ADAMTSL1: variants seen among roughly 807,000 people sequenced by gnomAD.
ADAMTSL1 encodes the protein ADAMTS-like protein 1.
ADAMTSL1 carries 126 observed loss-of-function variants against 201.8 expected under a neutral mutation model. The ratio of observed to expected loss-of-function variants is 0.62; its 90% confidence interval spans 0.54 to 0.72. ADAMTSL1 has a LOEUF of 0.72. ADAMTSL1 is among the 30% of genes least tolerant of loss of function. The pLI is 0.00. For synonymous variants in ADAMTSL1, 1,121 were observed against 903.4 expected (o/e 1.24, Z -4.32); for missense variants, 2,679 against 2,277.8 (o/e 1.18, Z -3.59).
chr9:18,432,547 A>G (rs1426688958), intron 2 of ADAMTSL1, among the ~76,000 whole-genome samples: 2 of 152,134 alleles, frequency 1.3e-5, no homozygotes, highest in Non-Finnish European at 2.9e-5. Flanking sequence ...TATCTTTCCC[A>G]TAGCACATCA....
At chr9:18,376,003 A>G (rs1457248851) in intron 2 of ADAMTSL1, among the ~76,000 whole-genome samples, 1 of 152,180 alleles carries the variant, frequency 6.6e-6, no homozygotes, top group African/African-American at 2.4e-5. Context: ...CTAGCTACAG[A>G]GTGCTGATTG....
chr9:18,164,769 A>G (rs1827559539), intron 2 of ADAMTSL1, among the ~76,000 whole-genome samples: 1 of 151,804 alleles, frequency 6.6e-6, no homozygotes, highest in African/African-American at 2.4e-5. Context: ...CAAACATACA[A>G]GTGACTTTAT....
At chr9:18,742,260 C>CTTAGGT (rs748528623) in intron 15 of ADAMTSL1, among the ~76,000 whole-genome samples, 1 of 152,236 alleles carries the variant, frequency 6.6e-6, no homozygotes, top group Non-Finnish European at 1.5e-5. Flanking sequence ...AGGAGAAATA[C>CTTAGGT]TTAGGTTTGT....
intron 4 of ADAMTSL1, among the ~76,000 whole-genome samples, chr9:18,580,583 G>A (rs144979913): frequency 1.8e-4 from 27 of 152,198 alleles, no homozygotes; most frequent in African/African-American, 5.5e-4. Flanking sequence ...CTTACTAGTT[G>A]AATTTCCTTA....
chr9:18,491,462 T>C (rs973840227), intron 1 of ADAMTSL1, among the ~76,000 whole-genome samples: 1 of 152,224 alleles, frequency 6.6e-6, no homozygotes, highest in African/African-American at 2.4e-5. Flanking sequence ...TGCTTACACG[T>C]TGAAAGCACA....
chr9:18,233,153 T>C (rs913427670), intron 2 of ADAMTSL1, among the ~76,000 whole-genome samples: 4 of 152,162 alleles, frequency 2.6e-5, no homozygotes, highest in Non-Finnish European at 5.9e-5. Context: ...AGCACCTCCT[T>C]AGATTGCGGC....
chr9:18,872,862 C>T (rs1022614063), intron 23 of ADAMTSL1, among the ~76,000 whole-genome samples: 6 of 152,180 alleles, frequency 3.9e-5, no homozygotes, highest in Non-Finnish European at 7.4e-5. Flanking sequence ...TACCCAGTAG[C>T]AGGATTGCTG....
At chr9:18,721,805 T>C in intron 15 of ADAMTSL1, 140 bp downstream of exon 15, 1 of 1,331,620 alleles carries the variant, frequency 7.5e-7, no homozygotes, top group Non-Finnish European at 1.0e-6. Flanking sequence ...TTTAGTCAAA[T>C]CCACTTAAGT....
At chr9:18,388,414 C>G (rs983657274) in intron 2 of ADAMTSL1, among the ~76,000 whole-genome samples, 1 of 152,034 alleles carries the variant, frequency 6.6e-6, no homozygotes, top group Non-Finnish European at 1.5e-5. Context: ...GCGGAAACTA[C>G]AGGCACATAC....
intron 15 of ADAMTSL1, among the ~76,000 whole-genome samples, chr9:18,732,880 A>C (rs1359802064): frequency 6.6e-6 from 1 of 152,202 alleles, no homozygotes; most frequent in Admixed American, 6.5e-5. Context: ...TACAATATGC[A>C]TGGCACAGTG....
upstream of ADAMTSL1, among the ~76,000 whole-genome samples, chr9:18,470,579 T>C (rs1231795153): frequency 6.6e-6 from 1 of 152,168 alleles, no homozygotes; most frequent in East Asian, 1.9e-4. Flanking sequence ...CAGGAGACCC[T>C]GTGTCCCCTA....
chr9:18,651,328 C>T (rs146759267), intron 7 of ADAMTSL1: 62 of 152,328 alleles, frequency 4.1e-4, no homozygotes, highest in African/African-American at 1.5e-3. Context: ...AAGAGTCCTC[C>T]TTAGTCATAG....
At chr9:18,191,537 A>T (rs995679914) in intron 2 of ADAMTSL1, among the ~76,000 whole-genome samples, 1 of 152,166 alleles carries the variant, frequency 6.6e-6, no homozygotes, top group African/African-American at 2.4e-5. Flanking sequence ...GTTACCTTGG[A>T]CAGGACCTGA....
rs78664609 is a variant in ADAMTSL1, at chr9:18,669,984, C to T, written c.1086-5873C>T. Among the ~76,000 whole-genome samples the T allele has an allele frequency of 5.8e-4, 89 of 152,268 alleles. No individual in the cohort carries two copies. In the East Asian group the frequency reaches 0.017, roughly 28 times the overall value. Reference sequence around the variant, plus strand: ...CAGATCCTCCATGCTTTGCTACTCACGAAATAGCAAAGTGCTTGTATGTCT... The same window carrying T: ...CAGATCCTCCATGCTTTGCTACTCATGAAATAGCAAAGTGCTTGTATGTCT... On this transcript the variant is annotated intron_variant, in intron 9 of 28. Coordinates refer to ENST00000380548, the MANE Select transcript of ADAMTSL1 (RefSeq NM_001040272.6).
chr9:18,473,136 G>C (rs1188467411), upstream of ADAMTSL1, among the ~76,000 whole-genome samples: 2 of 152,112 alleles, frequency 1.3e-5, no homozygotes, highest in Admixed American at 1.3e-4. Context: ...GGAAAAATGA[G>C]GTAAAACTCA....
At chr9:18,097,718 C>G (rs1378258314) in intron 1 of ADAMTSL1, among the ~76,000 whole-genome samples, 1 of 152,128 alleles carries the variant, frequency 6.6e-6, no homozygotes, top group Non-Finnish European at 1.5e-5. Context: ...ATTTGTAGTT[C>G]ATACAGCTCC....
At chr9:18,128,974 A>G (rs1406156855) in intron 1 of ADAMTSL1, among the ~76,000 whole-genome samples, 2 of 152,234 alleles carry the variant, frequency 1.3e-5, no homozygotes, top group Non-Finnish European at 2.9e-5. Context: ...GAGGCAATCT[A>G]TAAAGTCTTC....
intron 2 of ADAMTSL1, among the ~76,000 whole-genome samples, chr9:18,288,971 T>A (rs1004731337): frequency 6.6e-6 from 1 of 152,242 alleles, no homozygotes; most frequent in African/African-American, 2.4e-5. Context: ...TTTCTTTACT[T>A]TCAAAGTAAT....
intron 2 of ADAMTSL1, among the ~76,000 whole-genome samples, chr9:18,252,104 T>C (rs1423219365): frequency 6.6e-6 from 1 of 151,730 alleles, no homozygotes; most frequent in Admixed American, 6.6e-5. Flanking sequence ...TGATATAGTA[T>C]AAAAAGAAGA....
Sources: gnomAD v4.1 joint callset for allele counts (sites outside exome capture counted in the v4.1 genomes callset) on GRCh38, gnomAD v4.1.1 for gene constraint, MANE v1.5 for transcripts, NCBI Gene and HGNC (gene_info 2026-07-23, HGNC 2026-07-21) for gene names.